Variants in CPEB3 observed in about 807,000 individuals in gnomAD.
The protein encoded by CPEB3 is cytoplasmic polyadenylation element binding protein 3, also known as cytoplasmic polyadenylation element-binding protein 3.
A neutral mutation model predicts 67.2 loss-of-function variants in CPEB3; 20 were observed. The observed-to-expected ratio is 0.30, with a 90% confidence interval of 0.21 to 0.43. The LOEUF (loss-of-function observed/expected upper bound fraction) is 0.43. CPEB3 is among the 20% of genes least tolerant of loss of function. CPEB3 has a pLI of 1.00. For synonymous variants in CPEB3, 376 were observed against 393.1 expected (o/e 0.96, Z 0.51); for missense variants, 746 against 968.6 (o/e 0.77, Z 3.05).
At chr10:92,178,493 GGAA>G (rs542640369) in intron 4 of CPEB3, among the ~76,000 whole-genome samples, 196 of 152,196 alleles carry the variant, frequency 1.3e-3, no homozygotes, top group Non-Finnish European at 2.0e-3. Flanking sequence ...TTGACAGAAA[GGAA>G]GAAGGATAGA....
intron 1 of CPEB3, among the ~76,000 whole-genome samples, chr10:92,289,732 A>AAATAAATAAAT: frequency 1.3e-5 from 1 of 75,772 alleles, no homozygotes; most frequent in Non-Finnish European, 2.6e-5. Context: ...AAAAAAAAAA[A>AAATAAATAAAT]ATATATATAT....
intron 7 of CPEB3, among the ~76,000 whole-genome samples, chr10:92,092,509 G>A (rs1227813048): frequency 1.3e-5 from 2 of 152,206 alleles, no homozygotes; most frequent in Admixed American, 1.3e-4. Context: ...GCTGGGCATG[G>A]TGGCTCACAC....
At chr10:92,225,959 T>C (rs1011078573) in intron 2 of CPEB3, among the ~76,000 whole-genome samples, 1 of 152,100 alleles carries the variant, frequency 6.6e-6, no homozygotes, top group African/African-American at 2.4e-5. Flanking sequence ...TAGCCGGGCG[T>C]GGTGGCAAGC....
chr10:92,176,070 A>AGTACAGTGTGAGCCTAGGAG (rs1479955736), intron 4 of CPEB3, among the ~76,000 whole-genome samples: 1 of 152,092 alleles, frequency 6.6e-6, no homozygotes, highest in Non-Finnish European at 1.5e-5. Context: ...CAGCCTAGGC[A>AGTACAGTGTGAGCCTAGGAG]ACAGAGTGAG....
In CPEB3 at chr10:92,050,069, CAAAA is replaced by C. The variant is rs202194341; in HGVS notation, c.*2139_*2142del. On this transcript the variant is annotated 3_prime_UTR_variant, in exon 10 of 10. Transcript: ENST00000265997. ...GAAAGCATGCCTTTTTCCTTAAAAA[CAAAA>C]AAAAAAATCTGCCAACTTTTGAAAA... is the stretch of plus-strand genomic sequence containing the variant. 2 of 138,606 alleles carry C rather than the reference CAAAA, an allele frequency of 1.4e-5. No individual in the cohort carries two copies. Among genetic ancestry groups the C allele is most frequent in the Non-Finnish European group, 3.2e-5 (2 of 63,252 alleles). The allele number at this position is 138,606 out of a possible 1,614,324, so 8.6% of individuals were successfully genotyped here. A position where few individuals can be genotyped will look rare whatever the true frequency, so the allele number is the denominator to read the frequency against.
chr10:92,118,427 C>T (rs925231828), intron 6 of CPEB3, among the ~76,000 whole-genome samples: 2 of 152,124 alleles, frequency 1.3e-5, no homozygotes, highest in East Asian at 1.9e-4. Flanking sequence ...CCACCGTGCC[C>T]GGCCTGACAT....
chr10:92,118,743 T>G (rs190440225), intron 6 of CPEB3: 1 of 749,526 alleles, frequency 1.3e-6, no homozygotes, highest in African/African-American at 1.7e-5. Context: ...GCTGTTCCTT[T>G]GGGAACCACA....
At chr10:92,130,442 C>T (rs1467510008) in intron 6 of CPEB3, among the ~76,000 whole-genome samples, 1 of 152,076 alleles carries the variant, frequency 6.6e-6, no homozygotes, top group African/African-American at 2.4e-5. Flanking sequence ...TCCATGGTCT[C>T]AGTGGTGTTC....
chr10:92,253,480 A>AAAAAAAAAAG (rs1564910662), intron 1 of CPEB3, among the ~76,000 whole-genome samples: 7 of 150,126 alleles, frequency 4.7e-5, no homozygotes, highest in African/African-American at 1.7e-4. Flanking sequence ...AAAAAAAAAA[A>AAAAAAAAAAG]AAAAGAAAAG....
chr10:92,266,335 T>C (rs1354909103), intron 1 of CPEB3, among the ~76,000 whole-genome samples: 1 of 152,154 alleles, frequency 6.6e-6, no homozygotes, highest in Non-Finnish European at 1.5e-5. Flanking sequence ...GTTTATCTGT[T>C]CTCTTAAGGG....
chr10:92,252,152 A>C (rs1393370330), intron 1 of CPEB3, among the ~76,000 whole-genome samples: 1 of 152,112 alleles, frequency 6.6e-6, no homozygotes, highest in East Asian at 1.9e-4. Flanking sequence ...TTTCACCGAA[A>C]GATATTCAAA....
intron 6 of CPEB3, among the ~76,000 whole-genome samples, chr10:92,118,180 G>A (rs1034101551): frequency 1.3e-5 from 2 of 152,182 alleles, no homozygotes; most frequent in African/African-American, 4.8e-5. Flanking sequence ...TGCCCAGGCT[G>A]GAGTGCAATG....
In CPEB3 at chr10:92,169,144, G is replaced by GTT. The variant is rs34716605; in HGVS notation, c.1222+11817_1222+11818dup. Among the ~76,000 whole-genome samples the GTT allele has an allele frequency of 2.1e-3, 279 of 131,608 alleles. 2 individuals are homozygous for GTT. The highest frequency in any genetic ancestry group is 5.5e-3 in the African/African-American group (206 of 37,422). 86.3% of individuals were successfully genotyped at this position (131,608 alleles called of 152,430 possible). A position where few individuals can be genotyped will look rare whatever the true frequency, so the allele number is the denominator to read the frequency against. ...TACTGAGTCTTGAGCAGGTTTTGTT[G>GTT]TTTTTTTTTTTGAGATGGAGTTTTG... On this transcript the variant is annotated intron_variant, in intron 4 of 9. Coordinates refer to ENST00000265997, the MANE Select transcript of CPEB3 (RefSeq NM_014912.5).
intron 1 of CPEB3, among the ~76,000 whole-genome samples, chr10:92,242,865 ACT>A (rs1474295190): frequency 6.6e-6 from 1 of 152,184 alleles, no homozygotes; most frequent in African/African-American, 2.4e-5. Flanking sequence ...GCATAAATTC[ACT>A]CTGTCAAGGT....
rs77646843 is a variant in CPEB3 at position 92,162,286 on chromosome 10, T to C, written c.1223-17201A>G. On this transcript the variant is annotated intron_variant, in intron 4 of 9. Coordinates refer to ENST00000265997, the MANE Select transcript of CPEB3 (RefSeq NM_014912.5). ...GTAACCAGAGAGGAGCCTAAGGGTTTAGTTTGGGGTATTAGTAATGTTTTG... is the reference window on the plus strand; with the variant it reads ...GTAACCAGAGAGGAGCCTAAGGGTTCAGTTTGGGGTATTAGTAATGTTTTG... Among the ~76,000 whole-genome samples, 436 of 152,194 alleles carry C rather than the reference T, an allele frequency of 2.9e-3. 3 individuals carry two copies. The highest frequency in any genetic ancestry group is 0.01 in the African/African-American group (418 of 41,534).
intron 1 of CPEB3, among the ~76,000 whole-genome samples, chr10:92,247,111 CAGACGAAGAAA>C: frequency 6.6e-6 from 1 of 152,228 alleles, no homozygotes; most frequent in South Asian, 2.1e-4. Context: ...GGTATAAATA[CAGACGAAGAAA>C]AGAAAAAATT....
intron 6 of CPEB3, among the ~76,000 whole-genome samples, chr10:92,134,135 C>T (rs1258592471): frequency 6.6e-6 from 1 of 152,208 alleles, no homozygotes; most frequent in African/African-American, 2.4e-5. Context: ...CTCACCACTC[C>T]TATTCAACAT....
chr10:92,060,705 AT>A (rs1842309322), intron 9 of CPEB3, among the ~76,000 whole-genome samples: 1 of 152,214 alleles, frequency 6.6e-6, no homozygotes, highest in Non-Finnish European at 1.5e-5. Flanking sequence ...TGGGCAAAAG[AT>A]TTGAACAGAC....
intron 6 of CPEB3, among the ~76,000 whole-genome samples, chr10:92,132,562 C>CA (rs1282167383): frequency 6.6e-6 from 1 of 151,764 alleles, no homozygotes; most frequent in Middle Eastern, 3.2e-3. Context: ...GTTAGTACTA[C>CA]AAAAAAACAT....
Sources: allele counts gnomAD v4.1 joint callset (sites outside exome capture counted in the v4.1 genomes callset), GRCh38; gene constraint gnomAD v4.1.1; transcripts MANE v1.5; gene names NCBI Gene and HGNC (gene_info 2026-07-23, HGNC 2026-07-21).